Variants in SH3BP5 observed in about 807,000 individuals in gnomAD.
SH3BP5 encodes the protein SH3 domain-binding protein 5.
Under a neutral mutation model 43.3 loss-of-function variants are expected in SH3BP5, and 22 were observed. That is an observed-to-expected ratio of 0.51 (90% CI 0.36 to 0.73). The LOEUF is 0.73. Among genes scored for constraint, SH3BP5 ranks in the 30% least tolerant of loss-of-function variants. SH3BP5 has a pLI of 0.00. For missense variants in SH3BP5, 529 were observed against 586.9 expected (o/e 0.90, Z 1.02); for synonymous variants, 255 against 225.8 (o/e 1.13, Z -1.16).
At chr3:15,275,938 T>C (rs1196538957) in intron 3 of SH3BP5, 1 of 139,488 alleles carries the variant, frequency 7.2e-6, no homozygotes, top group African/African-American at 2.8e-5. Flanking sequence ...GAGAATCACT[T>C]GAATCCAGGA....
chr3:15,328,614 C>A (rs956716602), intron 2 of SH3BP5, among the ~76,000 whole-genome samples: 1 of 152,104 alleles, frequency 6.6e-6, no homozygotes. Context: ...GTGGCATGCA[C>A]CTGTAGTCTC....
At chr3:15,330,772 C>A in intron 1 of SH3BP5, 1 of 984,946 alleles carries the variant, frequency 1.0e-6, no homozygotes, top group Non-Finnish European at 1.2e-6. Flanking sequence ...TTGAGGGTGT[C>A]CCTTTTGACA....
At chr3:15,318,362 C>A (rs1231026785) in intron 2 of SH3BP5, among the ~76,000 whole-genome samples, 1 of 151,956 alleles carries the variant, frequency 6.6e-6, no homozygotes, top group Non-Finnish European at 1.5e-5. Flanking sequence ...AGGTATTGCC[C>A]TTCACATTTT....
intron 2 of SH3BP5, among the ~76,000 whole-genome samples, chr3:15,320,886 A>T (rs1698309657): frequency 6.6e-6 from 1 of 152,194 alleles, no homozygotes. Flanking sequence ...TTTGTAGGAA[A>T]GTCGGCGTGT....
chr3:15,331,783 C>A (rs1698615746), intron 1 of SH3BP5: 1 of 154,668 alleles, frequency 6.5e-6, no homozygotes, highest in Non-Finnish European at 1.4e-5. Flanking sequence ...AGGCCGGGCA[C>A]CTTGGCAAGT....
In SH3BP5 at chr3:15,256,789, G is replaced by A; in HGVS notation, c.1150+64C>T. The A allele has an allele frequency of 2.6e-6, 4 of 1,534,380 alleles. No individual in the cohort carries two copies. In the South Asian group the frequency reaches 5.0e-5, roughly 19 times the overall value. On this transcript the variant is annotated intron_variant, in intron 8 of 8. Coordinates refer to ENST00000383791, the MANE Select transcript of SH3BP5 (RefSeq NM_004844.5). ...TGAGACCTGGCAGAGGTATGGAATG[G>A]CACAACAGTCAGGCTACAGAGGCAG...
intron 3 of SH3BP5, among the ~76,000 whole-genome samples, chr3:15,287,373 G>C (rs1288668886): frequency 6.6e-6 from 1 of 152,222 alleles, no homozygotes; most frequent in Non-Finnish European, 1.5e-5. Flanking sequence ...AAGCAGAGCT[G>C]ACAAAAAGCC....
At position 15,263,106 on chromosome 3, in the gene SH3BP5, C is replaced by T. The variant is rs931904234; in HGVS notation, c.496-817G>A. Among the ~76,000 whole-genome samples the T allele has an allele frequency of 1.2e-4, 18 of 152,140 alleles. 1 individual carries two copies. The highest frequency in any genetic ancestry group is 3.3e-4 in the Admixed American group (5 of 15,284). On this transcript the variant is annotated intron_variant, in intron 4 of 8. Coordinates refer to ENST00000383791, the MANE Select transcript of SH3BP5 (RefSeq NM_004844.5). ...AGCCTTGTGAGGAAAGATTAAATAG[C>T]TAAATTGGCTGTGGCAATGACTGAG...
chr3:15,296,010 G>C (rs577529291), intron 3 of SH3BP5, among the ~76,000 whole-genome samples: 1 of 152,210 alleles, frequency 6.6e-6, no homozygotes, highest in East Asian at 1.9e-4. Flanking sequence ...ATATAACAAG[G>C]TTATGTATTG....
intron 4 of SH3BP5, among the ~76,000 whole-genome samples, chr3:15,267,111 G>GAC (rs1696667438): frequency 6.6e-6 from 1 of 152,238 alleles, no homozygotes; most frequent in African/African-American, 2.4e-5. Context: ...CAAGGGAGGA[G>GAC]ACATTCTCTA....
intron 3 of SH3BP5, among the ~76,000 whole-genome samples, chr3:15,282,773 G>A (rs556811891): frequency 6.6e-6 from 1 of 152,008 alleles, no homozygotes. Context: ...GGTGTGCAGT[G>A]ATAAATCTAT....
intron 1 of SH3BP5, among the ~76,000 whole-genome samples, chr3:15,340,075 A>C (rs573985958): frequency 4.9e-4 from 75 of 152,198 alleles, no homozygotes; most frequent in Non-Finnish European, 8.4e-4. Flanking sequence ...AACCAAGAAC[A>C]AATCATCTCA....
intron 7 of SH3BP5, chr3:15,257,623 TAAAG>T (rs1279060537): frequency 2.0e-5 from 3 of 153,326 alleles, no homozygotes; most frequent in African/African-American, 4.8e-5. Context: ...TCTGATCTCA[TAAAG>T]AACACACTCA....
Position 15,321,694 on chromosome 3 carries a change from C to T in SH3BP5, c.201+8810G>A, listed in dbSNP as rs151153423. ...GGTACATTTTTCTAGAGCCAGGCTT[C>T]TCAAACAATGTGGTGATGGATCTTC... is the stretch of plus-strand genomic sequence containing the variant. On this transcript the variant is annotated intron_variant, in intron 2 of 8. Transcript: ENST00000383791. Among the ~76,000 whole-genome samples, 868 of 152,012 alleles carry T rather than the reference C, an allele frequency of 5.7e-3. 13 individuals carry two copies. Among genetic ancestry groups the T allele is most frequent in the African/African-American group, 0.02 (826 of 41,446 alleles).
intron 2 of SH3BP5, among the ~76,000 whole-genome samples, chr3:15,327,142 C>G (rs893421988): frequency 6.6e-6 from 1 of 151,858 alleles, no homozygotes; most frequent in South Asian, 2.1e-4. Context: ...ACAGCAGTGG[C>G]GGTGGGGAGG....
At chr3:15,316,754 A>C (rs1698196655) in intron 2 of SH3BP5, among the ~76,000 whole-genome samples, 1 of 151,644 alleles carries the variant, frequency 6.6e-6, no homozygotes. Context: ...CCCAAGATAC[A>C]AAGCACCATG....
In SH3BP5 at chr3:15,317,182, C is replaced by A. The variant is rs371689989; in HGVS notation, c.202-12951G>T. Among the ~76,000 whole-genome samples the A allele has an allele frequency of 2.3e-4, 35 of 152,320 alleles. No homozygotes were observed. The East Asian group carries it at 6.2e-3, about 27-fold the overall frequency. Reference sequence around the variant, plus strand: ...TTGGGCTGATGTTTCAACCACCACCCAAGCTGTTATGAAATATAAGGTCCA... The same window carrying A: ...TTGGGCTGATGTTTCAACCACCACCAAAGCTGTTATGAAATATAAGGTCCA... On this transcript the variant is annotated intron_variant, in intron 2 of 8. Transcript: ENST00000383791.
At chr3:15,308,101 T>TC (rs1697959933) in intron 2 of SH3BP5, among the ~76,000 whole-genome samples, 1 of 152,094 alleles carries the variant, frequency 6.6e-6, no homozygotes, top group Admixed American at 6.5e-5. Flanking sequence ...TCCTCTCCAG[T>TC]CCCTATCACT....
chr3:15,314,202 G>A (rs1039088348), intron 2 of SH3BP5, among the ~76,000 whole-genome samples: 5 of 151,654 alleles, frequency 3.3e-5, no homozygotes, highest in Non-Finnish European at 4.4e-5. Context: ...GCGCGATCTC[G>A]GCTCACTGCA....
Sources: gnomAD v4.1 joint callset for allele counts (sites outside exome capture counted in the v4.1 genomes callset) on GRCh38, gnomAD v4.1.1 for gene constraint, MANE v1.5 for transcripts, NCBI Gene and HGNC (gene_info 2026-07-23, HGNC 2026-07-21) for gene names.